The following SLC36A4 variants were observed in gnomAD, a reference collection of about 807,000 sequenced individuals.
The protein encoded by SLC36A4 is neutral amino acid uniporter 4.
SLC36A4 carries 49 observed loss-of-function variants against 50.5 expected under a neutral mutation model. That is an observed-to-expected ratio of 0.97 (90% CI 0.77 to 1.23). The LOEUF (loss-of-function observed/expected upper bound fraction) is 1.23. SLC36A4 is among the 50% of genes most tolerant of loss of function. SLC36A4 has a pLI of 0.00. For synonymous variants in SLC36A4, 207 were observed against 206.5 expected, an observed-to-expected ratio of 1.00 and a Z score of -0.02; for missense variants, 611 against 608.4, an observed-to-expected ratio of 1.00 and a Z score of -0.05.
intron 3 of SLC36A4, among the ~76,000 whole-genome samples, chr11:93,183,914 G>A (rs1861858966): frequency 6.6e-6 from 1 of 152,028 alleles, no homozygotes; most frequent in South Asian, 2.1e-4. Context: ...TAGCCAGGAT[G>A]GTCTCAATCT....
At chr11:93,191,315 A>G (rs900827225) in intron 1 of SLC36A4, among the ~76,000 whole-genome samples, 27 of 152,338 alleles carry the variant, frequency 1.8e-4, no homozygotes, top group African/African-American at 6.0e-4. Context: ...ATTGGTCACA[A>G]GGCTGAGTGG....
intron 1 of SLC36A4, among the ~76,000 whole-genome samples, chr11:93,197,021 A>G (rs1862458098): frequency 6.6e-6 from 1 of 152,264 alleles, no homozygotes; most frequent in African/African-American, 2.4e-5. Context: ...AGGAATAACA[A>G]CAACCTATCA....
chr11:93,145,962 A>T lies in SLC36A4; in HGVS notation c.*2575T>A, dbSNP rs1859837497. On this transcript the variant is annotated 3_prime_UTR_variant, in exon 11 of 11. Transcript: ENST00000326402. Reference sequence around the variant, plus strand: ...TAATAAGAATACATTTAAGCTTTCCATCTAAATAGTGTTTCTTGTTGAGAA... The same window carrying T: ...TAATAAGAATACATTTAAGCTTTCCTTCTAAATAGTGTTTCTTGTTGAGAA... 6.6e-6 allele frequency: 1 copy of T among 152,202 alleles called. No homozygotes were observed. Among genetic ancestry groups the T allele is most frequent in the Admixed American group, 6.6e-5 (1 of 15,252 alleles). The allele number at this position is 152,202 out of a possible 1,614,324, so 9.4% of individuals were successfully genotyped here.
intron 6 of SLC36A4, among the ~76,000 whole-genome samples, chr11:93,177,099 G>A (rs10830999): frequency 0.22 from 32,913 of 152,116 alleles, 4,039 homozygotes; most frequent in East Asian, 0.43. Flanking sequence ...CAAATCAGAC[G>A]TAGATTTGGT....
intron 9 of SLC36A4, among the ~76,000 whole-genome samples, chr11:93,162,394 C>T (rs553663320): frequency 3.9e-5 from 6 of 151,936 alleles, no homozygotes; most frequent in Non-Finnish European, 5.9e-5. Flanking sequence ...CTGCAACCTC[C>T]GCCTCCCGGG....
chr11:93,153,517 A>T (rs765681214), intron 10 of SLC36A4, among the ~76,000 whole-genome samples: 52 of 151,854 alleles, frequency 3.4e-4, no homozygotes, highest in Non-Finnish European at 6.6e-4. Context: ...GAATTCCCAG[A>T]TCTGTCTGAC....
intron 1 of SLC36A4, among the ~76,000 whole-genome samples, chr11:93,191,745 A>G (rs981508706): frequency 6.6e-6 from 1 of 152,222 alleles, no homozygotes; most frequent in Non-Finnish European, 1.5e-5. Context: ...GTCAAAGACT[A>G]TGATGGCTTT....
Position 93,146,221 on chromosome 11 carries a change from A to C in SLC36A4, c.*2316T>G, listed in dbSNP as rs1274239930. The stretch of plus-strand genomic sequence containing the variant: ...ATTGCATTTGATGAATTCCTTAAGG[A>C]AAATAAACAATGGGCCAAAGTGTAA... On this transcript the variant is annotated 3_prime_UTR_variant, in exon 11 of 11. Coordinates refer to ENST00000326402, the MANE Select transcript of SLC36A4 (RefSeq NM_152313.4). The C allele has an allele frequency of 6.6e-6, 1 of 152,020 alleles. No homozygotes were observed. Among genetic ancestry groups the C allele is most frequent in the Non-Finnish European group, 1.5e-5 (1 of 67,950 alleles). The allele number at this position is 152,020 out of a possible 1,614,324, so 9.4% of individuals were successfully genotyped here.
chr11:93,195,343 G>A (rs1450347736), intron 1 of SLC36A4, among the ~76,000 whole-genome samples: 1 of 151,840 alleles, frequency 6.6e-6, no homozygotes, highest in African/African-American at 2.4e-5. Context: ...TCAGGTCCCT[G>A]GAGTCTTCCA....
At position 93,167,900 on chromosome 11, in the gene SLC36A4, A is replaced by G. The variant is rs768391401; in HGVS notation, c.768+44T>C. 9 of 1,333,160 alleles carry G rather than the reference A, an allele frequency of 6.8e-6. No homozygotes were observed. The East Asian group carries it at 2.1e-4, about 31-fold the overall frequency. 82.6% of individuals were successfully genotyped at this position (1,333,160 alleles called of 1,614,324 possible). A position where few individuals can be genotyped will look rare whatever the true frequency, so the allele number is the denominator to read the frequency against. On this transcript the variant is annotated intron_variant, in intron 7 of 10. Transcript: ENST00000326402. ...CTCCACAGTAAACAAAATTTTACTT[A>G]CATAAGAAAGATAAGAACTTAGTTA...
chr11:93,158,136 G>A (rs993491143), intron 9 of SLC36A4, among the ~76,000 whole-genome samples: 3 of 152,134 alleles, frequency 2.0e-5, no homozygotes, highest in African/African-American at 7.2e-5. Flanking sequence ...AGCTAAGGAT[G>A]TATTTCTCAG....
intron 6 of SLC36A4, among the ~76,000 whole-genome samples, chr11:93,173,016 G>A (rs1472601154): frequency 2.1e-5 from 3 of 144,274 alleles, no homozygotes; most frequent in African/African-American, 5.1e-5. Flanking sequence ...CTGAGGAATC[G>A]CCACACTGAC....
At chr11:93,180,519 T>C (rs146278937) in intron 6 of SLC36A4, among the ~76,000 whole-genome samples, 187 of 152,256 alleles carry the variant, frequency 1.2e-3, no homozygotes, top group Non-Finnish European at 2.2e-3. Context: ...GTATATGCTT[T>C]TGAGATCTAA....
At chr11:93,176,875 C>G (rs1001327569) in intron 6 of SLC36A4, among the ~76,000 whole-genome samples, 67 of 152,222 alleles carry the variant, frequency 4.4e-4, no homozygotes, top group South Asian at 2.1e-4. Flanking sequence ...CTCTGGCTGC[C>G]CTTAATATGT....
intron 6 of SLC36A4, chr11:93,171,511 C>G (rs1861132811): frequency 6.6e-6 from 1 of 151,914 alleles, no homozygotes; most frequent in South Asian, 2.1e-4. Context: ...GCGTTCTCAT[C>G]CATAAAATGA....
intron 9 of SLC36A4, among the ~76,000 whole-genome samples, chr11:93,158,482 T>A (rs1037825926): frequency 6.6e-6 from 1 of 152,124 alleles, no homozygotes; most frequent in South Asian, 2.1e-4. Context: ...TACTATTTGG[T>A]GTTACAAAGA....
intron 6 of SLC36A4, among the ~76,000 whole-genome samples, chr11:93,169,428 C>T (rs560114628): frequency 1.3e-5 from 2 of 152,222 alleles, no homozygotes; most frequent in East Asian, 1.9e-4. Context: ...GGTCACCTGG[C>T]CTCCACTTTT....
At chr11:93,168,268 T>C in intron 6 of SLC36A4, 97 bp from the exon 7 acceptor site, 1 of 548,788 alleles carries the variant, frequency 1.8e-6, no homozygotes, top group Admixed American at 3.8e-5. Flanking sequence ...ACATATACAC[T>C]CTACAATAAA....
At chr11:93,196,557 G>A (rs1046585837) in intron 1 of SLC36A4, among the ~76,000 whole-genome samples, 4 of 152,092 alleles carry the variant, frequency 2.6e-5, no homozygotes, top group Non-Finnish European at 5.9e-5. Context: ...TAGTAGAGAC[G>A]GGGTTTCACC....
Sources: gnomAD v4.1 joint callset for allele counts (sites outside exome capture counted in the v4.1 genomes callset) on GRCh38, gnomAD v4.1.1 for gene constraint, MANE v1.5 for transcripts, NCBI Gene and HGNC (gene_info 2026-07-23, HGNC 2026-07-21) for gene names.